ALPK3: variants seen among roughly 807,000 people sequenced by gnomAD.
The protein encoded by ALPK3 is alpha kinase 3.
ALPK3 carries 102 observed loss-of-function variants against 140.0 expected under a neutral mutation model. That is an observed-to-expected ratio of 0.73 (90% CI 0.62 to 0.86). ALPK3 has a LOEUF of 0.86. ALPK3 is among the 40% of genes least tolerant of loss of function. The pLI is 0.00. For synonymous variants in ALPK3, 938 were observed against 898.5 expected (o/e 1.04, Z -0.79); for missense variants, 2,254 against 2,208.2 (o/e 1.02, Z -0.42).
At chr15:84,849,355 A>G (rs575599298) in intron 5 of ALPK3, among the ~76,000 whole-genome samples, 1 of 152,306 alleles carries the variant, frequency 6.6e-6, no homozygotes, top group South Asian at 2.1e-4. Flanking sequence ...TAATCAATAG[A>G]ACTAGTAGAC....
chr15:84,863,717 C>A, intron 11 of ALPK3, 77 bp downstream of exon 11: 1 of 1,417,574 alleles, frequency 7.1e-7, no homozygotes, highest in Non-Finnish European at 9.6e-7. Flanking sequence ...GATTTCACAG[C>A]CTCCCAGGGG....
intron 11 of ALPK3, among the ~76,000 whole-genome samples, 163 bp from the exon 12 acceptor site, chr15:84,864,279 A>G (rs562844162): frequency 6.6e-6 from 1 of 152,100 alleles, no homozygotes; most frequent in African/African-American, 2.4e-5. Context: ...CCTTTCCCAA[A>G]CTCAGGGTGG....
rs1370091114 is a variant in ALPK3 at position 84,840,847 on chromosome 15, A to G, written c.1568A>G (p.Gln523Arg). The G allele has an allele frequency of 2.5e-6, 4 of 1,614,168 alleles. No individual in the cohort carries two copies. Among genetic ancestry groups the G allele is most frequent in the Non-Finnish European group, 3.4e-6 (4 of 1,180,012 alleles). ...AAGGCCCCACCTCAGGCCTCTGTGC[A>G]GGTGCCGACGCCCCCTGCCCGGCGG... ...LGKAPPQASV[Q>R]VPTPPARRRH... Residue 523 changes from glutamine to arginine, a missense_variant, in exon 5 of 14, where the codon CAG becomes CGG. Gln to Arg is a conservative substitution (Grantham distance 43, BLOSUM62 1). Around this residue, in one of 3 missense-constraint regions of ALPK3, gnomAD observed 2,088 missense variants for 2,022.9 expected, o/e 1.03. Transcript: ENST00000258888.
At chr15:84,867,152 A>T (rs1321966224) in intron 12 of ALPK3, among the ~76,000 whole-genome samples, 165 bp from the exon 13 acceptor site, 1 of 151,758 alleles carries the variant, frequency 6.6e-6, no homozygotes, top group Non-Finnish European at 1.5e-5. Flanking sequence ...ACACACCTGC[A>T]CTGACACCCA....
intron 1 of ALPK3, among the ~76,000 whole-genome samples, chr15:84,821,324 C>G (rs1006421022): frequency 6.6e-6 from 1 of 152,194 alleles, no homozygotes; most frequent in Non-Finnish European, 1.5e-5. Flanking sequence ...GAGGGGTCCT[C>G]TGTCCCAGCT....
intron 1 of ALPK3, among the ~76,000 whole-genome samples, chr15:84,817,856 T>G (rs919187344): frequency 1.3e-5 from 2 of 152,140 alleles, no homozygotes; most frequent in African/African-American, 4.8e-5. Flanking sequence ...AGTGATTTCA[T>G]GGGGTCTGAA....
At chr15:84,834,851 G>C (rs1018585396) in intron 3 of ALPK3, among the ~76,000 whole-genome samples, 3 of 152,262 alleles carry the variant, frequency 2.0e-5, no homozygotes, top group African/African-American at 2.4e-5. Context: ...GAAGGACCCG[G>C]AGCCCTCCTG....
At chr15:84,847,797 G>T (rs374395356) in intron 5 of ALPK3, among the ~76,000 whole-genome samples, 1 of 152,168 alleles carries the variant, frequency 6.6e-6, no homozygotes, top group Non-Finnish European at 1.5e-5. Flanking sequence ...TGTGGCTCAC[G>T]CCTGTAATCC....
At chr15:84,863,776 G>T (rs1963974755) in intron 11 of ALPK3, 136 bp downstream of exon 11, 4 of 776,516 alleles carry the variant, frequency 5.2e-6, no homozygotes, top group Non-Finnish European at 7.9e-6. Flanking sequence ...CCCATGCTCA[G>T]CTCAGTGGCC....
Position 84,840,915 on chromosome 15 carries a change from C to T in ALPK3, c.1636C>T (p.His546Tyr). The T allele has an allele frequency of 6.2e-7, 1 of 1,600,860 alleles. No individual in the cohort carries two copies. The highest frequency in any genetic ancestry group is 8.5e-7 in the Non-Finnish European group (1 of 1,173,700). The change falls in exon 5 of 14, where the codon CAC (histidine) becomes TAC (tyrosine). Residue 546 changes from histidine (H) to tyrosine (Y), a missense_variant. His to Tyr is a moderately conservative substitution (Grantham distance 83). Coordinates refer to ENST00000258888, the MANE Select transcript of ALPK3 (RefSeq NM_020778.5). The stretch of plus-strand genomic sequence containing the variant: ...CAGCACGTTGCAGGGGCAAGCAGGC[C>T]ACAGGACTCCAGGAGAGGTAAGTGT... Reference protein sequence around the residue: ...RDSTLQGQAGHRTPGEVLECQ... With the variant: ...RDSTLQGQAGYRTPGEVLECQ...
intron 3 of ALPK3, among the ~76,000 whole-genome samples, chr15:84,829,336 G>T (rs1963521195): frequency 6.6e-6 from 1 of 152,128 alleles, no homozygotes; most frequent in African/African-American, 2.4e-5. Flanking sequence ...GTGGAACTTT[G>T]GTTCTTATCT....
At chr15:84,823,429 G>T in intron 2 of ALPK3, 61 bp downstream of exon 2, 1 of 1,584,904 alleles carries the variant, frequency 6.3e-7, no homozygotes, top group Non-Finnish European at 8.7e-7. Context: ...GGCATTGAGG[G>T]GCCACTGAGT....
In ALPK3 at chr15:84,859,794, G is replaced by C. The variant is rs747599854; in HGVS notation, c.3984G>C (p.Pro1328=). The change falls in exon 8 of 14, where the codon CCG becomes CCC. Residue 1328 remains proline, a synonymous_variant. Coordinates refer to ENST00000258888, the MANE Select transcript of ALPK3 (RefSeq NM_020778.5). ...TCTGCAGCGCAGGGGATGAGGGGCC[G>C]GCGGCCTTGGCCATCGTGCAGGCCT... ...EVGRSAGDEG[P]AALAIVQASP... 4.3e-6 allele frequency: 7 copies of C among 1,612,752 alleles called. No individual in the cohort carries two copies. Among genetic ancestry groups the C allele is most frequent in the Admixed American group, 1.7e-5 (1 of 59,942 alleles).
chr15:84,864,380 G>A, intron 11 of ALPK3, 62 bp from the exon 12 acceptor site: 2 of 1,514,774 alleles, frequency 1.3e-6, no homozygotes, highest in Admixed American at 3.4e-5. Flanking sequence ...ACAGAATTGG[G>A]TGGGAGGGAG....
At chr15:84,839,602 AG>A (rs1344264731) in intron 4 of ALPK3, 99 bp from the exon 5 acceptor site, 1 of 1,297,942 alleles carries the variant, frequency 7.7e-7, no homozygotes, top group South Asian at 1.4e-5. Context: ...TGCTGTAGGG[AG>A]GGGGAAGTGT....
At chr15:84,823,857 T>C (rs955565761) in intron 2 of ALPK3, among the ~76,000 whole-genome samples, 7 of 152,192 alleles carry the variant, frequency 4.6e-5, no homozygotes, top group Non-Finnish European at 8.8e-5. Context: ...ACTACAGGCA[T>C]GCACCATGAT....
In ALPK3 at chr15:84,857,882, G is replaced by A. The variant is rs1963885919; in HGVS notation, c.3144G>A (p.Val1048=). The change falls in exon 6 of 14, where the codon GTG becomes GTA. Residue 1048 remains valine (V), a synonymous_variant. Coordinates refer to ENST00000258888, the MANE Select transcript of ALPK3 (RefSeq NM_020778.5). ...RRLTGLLDRE[V]QAGRQALAAA... is the part of the protein sequence containing the mutation. ...TCACCGGCCTCCTGGACCGTGAGGT[G>A]CAGGCTGGCCGCCAGGCCCTTGCTG... 2 of 1,612,582 alleles carry A rather than the reference G, an allele frequency of 1.2e-6. No homozygotes were observed. Among genetic ancestry groups the A allele is most frequent in the Non-Finnish European group, 1.7e-6 (2 of 1,179,612 alleles).
rs771084960 is a variant in ALPK3 at position 84,857,712 on chromosome 15, G to A, written c.2974G>A (p.Val992Met). ...GGTGGGGGCAGCCACCGGAGGTCTG[G>A]TGCCCTCAGCCACTCTGACACCCAC... Reference protein sequence around the residue: ...SQVGAATGGLVPSATLTPTVE... With the variant: ...SQVGAATGGLMPSATLTPTVE... Residue 992 changes from valine (V) to methionine (M), a missense_variant, in exon 6 of 14, where the codon GTG becomes ATG. By Grantham distance (21) the Val-to-Met change is conservative. Transcript: ENST00000258888. The A allele has an allele frequency of 2.5e-6, 4 of 1,611,942 alleles. No individual in the cohort carries two copies. The highest frequency in any genetic ancestry group is 2.7e-5 in the African/African-American group (2 of 74,896).
At position 84,817,457 on chromosome 15, in the gene ALPK3, GGTCGCGGA is replaced by G. The variant is rs1963372760; in HGVS notation, c.7_14del (p.Ser3GlyfsTer19). 7.4e-7 allele frequency: 1 copy of G among 1,343,756 alleles called. No individual in the cohort carries two copies. The highest frequency in any genetic ancestry group is 9.5e-7 in the Non-Finnish European group (1 of 1,054,990). 83.2% of individuals were successfully genotyped at this position (1,343,756 alleles called of 1,614,324 possible). A position where few individuals can be genotyped will look rare whatever the true frequency, so the allele number is the denominator to read the frequency against. On this transcript the variant is annotated frameshift_variant, in exon 1 of 14. Coordinates refer to ENST00000258888, the MANE Select transcript of ALPK3 (RefSeq NM_020778.5). LOFTEE classifies it high-confidence loss of function. ...GCGGTCGGGGAGGGCGGTGCCATGG[GGTCGCGGA>G]GGGCCCCCAGCCGGGGCTGGGGCGC...
Sources: allele counts gnomAD v4.1 joint callset (sites outside exome capture counted in the v4.1 genomes callset), GRCh38; gene constraint gnomAD v4.1.1; regional missense constraint gnomAD v4.1.1; transcripts MANE v1.5; gene names NCBI Gene and HGNC (gene_info 2026-07-23, HGNC 2026-07-21).